Variants in ZNF280C observed in about 807,000 individuals in gnomAD.
The protein encoded by ZNF280C is suppressor of hairy wing homolog 3.
Under a neutral mutation model 53.6 loss-of-function variants are expected in ZNF280C, and 14 were observed. The observed-to-expected ratio is 0.26, with a 90% CI of 0.17 to 0.41. The LOEUF is 0.41. ZNF280C is among the 10% of genes least tolerant of loss of function. ZNF280C has a pLI of 1.00. For synonymous variants in ZNF280C, 203 were observed against 181.1 expected, an observed-to-expected ratio of 1.12 and a Z score of -0.97; for missense variants, 416 against 547.1, an observed-to-expected ratio of 0.76 and a Z score of 2.39.
In ZNF280C at chrX:130,236,510, C is replaced by T. The variant is rs755487062; in HGVS notation, c.623G>A (p.Gly208Asp). The change falls in exon 7 of 19, where the codon GGC (glycine) becomes GAC (aspartate). Residue 208 changes from glycine to aspartate, a missense_variant. Around this residue, in one of 3 missense-constraint regions of ZNF280C, gnomAD observed 193 missense variants for 201.4 expected, o/e 0.96. Coordinates refer to ENST00000370978, the MANE Select transcript of ZNF280C (RefSeq NM_017666.5). ...TTGGGAGGATGTCACTGGAGGAGAG[C>T]CAATTAAAGGCAATGAAGTGGAGGG... Reference protein sequence around the residue: ...INPSTSLPLIGSPPVTSSQVM... With the variant: ...INPSTSLPLIDSPPVTSSQVM... 2.5e-6 allele frequency: 3 copies of T among 1,205,493 alleles called. No individual in the cohort carries two copies. Among genetic ancestry groups the T allele is most frequent in the Non-Finnish European group, 3.4e-6 (3 of 892,572 alleles).
At chrX:130,244,330 A>G (rs1345337979) in intron 3 of ZNF280C, among the ~76,000 whole-genome samples, 4 of 112,188 alleles carry the variant, frequency 3.6e-5, no homozygotes, top group Non-Finnish European at 7.5e-5. Context: ...CCTTGTACCC[A>G]TATGAACTCC....
intron 12 of ZNF280C, among the ~76,000 whole-genome samples, chrX:130,221,831 T>A (rs180698184): frequency 1.0e-3 from 112 of 111,881 alleles, no homozygotes; most frequent in African/African-American, 3.4e-3. Flanking sequence ...TTCCCATAGC[T>A]GTCAGAGTGA....
At chrX:130,205,799 G>A (rs2031967194) in intron 16 of ZNF280C, among the ~76,000 whole-genome samples, 1 of 106,283 alleles carries the variant, frequency 9.4e-6, no homozygotes, top group South Asian at 4.2e-4. Context: ...TGAGACAGGA[G>A]AATTGCTTGA....
At chrX:130,228,831 T>C (rs1444375249) in intron 10 of ZNF280C, 146 bp downstream of exon 10, 11 of 578,685 alleles carry the variant, frequency 1.9e-5, no homozygotes, top group Non-Finnish European at 2.3e-5. Context: ...TCTAGGTTTA[T>C]AAAAGTTATG....
intron 8 of ZNF280C, among the ~76,000 whole-genome samples, chrX:130,231,711 CT>C (rs1423529778): frequency 9.0e-6 from 1 of 110,519 alleles, no homozygotes; most frequent in African/African-American, 3.3e-5. Context: ...ACATGTACCC[CT>C]GAATCTACAA....
At chrX:130,222,257 A>C (rs1198418746) in intron 12 of ZNF280C, among the ~76,000 whole-genome samples, 1 of 101,150 alleles carries the variant, frequency 9.9e-6, no homozygotes, top group African/African-American at 3.6e-5. Context: ...ATCAGCTGGC[A>C]TACATATACA....
chrX:130,264,714 T>C (rs1021971011), intron 1 of ZNF280C, among the ~76,000 whole-genome samples: 1 of 111,023 alleles, frequency 9.0e-6, no homozygotes, highest in East Asian at 2.8e-4. Context: ...AAAAACTCAA[T>C]AGAAGTAGGT....
chrX:130,266,691 T>C (rs2032692115), intron 1 of ZNF280C, among the ~76,000 whole-genome samples: 1 of 111,351 alleles, frequency 9.0e-6, no homozygotes, highest in Non-Finnish European at 1.9e-5. Context: ...AGCAAATGAA[T>C]AAAGTCTAGA....
chrX:130,262,573 G>A (rs962023214), intron 1 of ZNF280C, among the ~76,000 whole-genome samples: 2 of 111,891 alleles, frequency 1.8e-5, no homozygotes, highest in Non-Finnish European at 3.8e-5. Flanking sequence ...CAGAGAAATG[G>A]AATATCCAGC....
In ZNF280C at chrX:130,221,892, C is replaced by A. The variant is rs780219696; in HGVS notation, c.1396-1412G>T. ...ATGGTTAAACCCTCCAAATGGCTTTCCGTAACACTCCAGAATTCTGACTCT... is the reference window on the plus strand; with the variant it reads ...ATGGTTAAACCCTCCAAATGGCTTTACGTAACACTCCAGAATTCTGACTCT... On this transcript the variant is annotated intron_variant, in intron 12 of 18. Coordinates refer to ENST00000370978, the MANE Select transcript of ZNF280C (RefSeq NM_017666.5). Among the ~76,000 whole-genome samples, 11 of 111,338 alleles carry A rather than the reference C, an allele frequency of 9.9e-5. No homozygotes were observed. In the South Asian group the frequency reaches 3.8e-3, roughly 38 times the overall value.
rs209218 is a variant in ZNF280C, at chrX:130,247,441, G to A, written c.32-436C>T. Among the ~76,000 whole-genome samples the A allele has an allele frequency of 6.2e-3, 699 of 111,966 alleles. 7 individuals carry two copies. Among genetic ancestry groups the A allele is most frequent in the Non-Finnish European group, 0.011 (587 of 53,192 alleles). On this transcript the variant is annotated intron_variant, in intron 2 of 18. Transcript: ENST00000370978. ...TGATTCTCGTGCCTCAGCCTCCTGA[G>A]TAGCTGGGACTACAGGCATGGTCTA...
intron 16 of ZNF280C, among the ~76,000 whole-genome samples, chrX:130,205,661 C>G (rs1327487230): frequency 9.1e-6 from 1 of 110,059 alleles, no homozygotes; most frequent in Admixed American, 9.8e-5. Flanking sequence ...GATGGATCAC[C>G]TGGGGTCAGG....
At chrX:130,231,904 G>A (rs973056482) in intron 8 of ZNF280C, among the ~76,000 whole-genome samples, 5 of 107,941 alleles carry the variant, frequency 4.6e-5, no homozygotes, top group African/African-American at 1.7e-4. Context: ...GCACGTGTCT[G>A]TAGTCCCAGC....
At chrX:130,242,587 T>C (rs1275826364) in intron 5 of ZNF280C, among the ~76,000 whole-genome samples, 1 of 112,411 alleles carries the variant, frequency 8.9e-6, no homozygotes, top group Non-Finnish European at 1.9e-5. Context: ...TTGCCTGGGT[T>C]GGAGTGCAGT....
intron 2 of ZNF280C, among the ~76,000 whole-genome samples, chrX:130,257,075 C>T (rs1272193092): frequency 3.8e-5 from 4 of 105,700 alleles, no homozygotes; most frequent in African/African-American, 1.4e-4. Flanking sequence ...GTAGCAGGTG[C>T]CTGTAGTCCC....
At chrX:130,208,757 G>A (rs922044500) in intron 16 of ZNF280C, among the ~76,000 whole-genome samples, 6 of 107,104 alleles carry the variant, frequency 5.6e-5, no homozygotes, top group Non-Finnish European at 1.2e-4. Flanking sequence ...GTTAAGTGGT[G>A]CAATCTCGGC....
At chrX:130,239,007 C>G (rs1008856185) in intron 6 of ZNF280C, among the ~76,000 whole-genome samples, 1 of 111,145 alleles carries the variant, frequency 9.0e-6, no homozygotes, top group Non-Finnish European at 1.9e-5. Flanking sequence ...TTATGGTGGA[C>G]ATCAAAGAAC....
chrX:130,231,866 A>G (rs2032279968), intron 8 of ZNF280C, among the ~76,000 whole-genome samples: 1 of 109,826 alleles, frequency 9.1e-6, no homozygotes, highest in Non-Finnish European at 1.9e-5. Flanking sequence ...CTCTATTAAA[A>G]ATACAAAAAA....
chrX:130,231,576 G>A (rs1388073305), intron 8 of ZNF280C, among the ~76,000 whole-genome samples: 1 of 111,638 alleles, frequency 9.0e-6, no homozygotes, highest in African/African-American at 3.3e-5. Flanking sequence ...CAAAAGTTGG[G>A]AGGGAGGGAG....
Sources: gnomAD v4.1 joint callset for allele counts (sites outside exome capture counted in the v4.1 genomes callset) on GRCh38, gnomAD v4.1.1 for gene constraint, gnomAD v4.1.1 regional missense constraint, MANE v1.5 for transcripts, NCBI Gene and HGNC (gene_info 2026-07-23, HGNC 2026-07-21) for gene names.